HCN1: variants seen among roughly 807,000 people sequenced by gnomAD.
The protein encoded by HCN1 is potassium/sodium hyperpolarization-activated cyclic nucleotide-gated channel 1.
HCN1 carries 13 observed loss-of-function variants against 78.9 expected under a neutral mutation model. That is an observed-to-expected ratio of 0.16 (90% CI 0.11 to 0.26). The LOEUF (loss-of-function observed/expected upper bound fraction) is 0.26, where lower values mean the gene tolerates loss of function less well. HCN1 is among the 10% of genes least tolerant of loss of function. The pLI is 1.00. For missense variants in HCN1, 810 were observed against 1,154.3 expected (o/e 0.70, Z 4.32); for synonymous variants, 552 against 455.5 (o/e 1.21, Z -2.70).
At chr5:45,483,965 C>T (rs1441741948) in intron 2 of HCN1, among the ~76,000 whole-genome samples, 1 of 152,084 alleles carries the variant, frequency 6.6e-6, no homozygotes, top group African/African-American at 2.4e-5. Flanking sequence ...CGATTCTGTT[C>T]TGTTGGTCTA....
chr5:45,481,770 T>C (rs1202640642), intron 2 of HCN1, among the ~76,000 whole-genome samples: 10 of 124,664 alleles, frequency 8.0e-5, no homozygotes, highest in African/African-American at 2.3e-4. Flanking sequence ...TTCTTTTCCA[T>C]GATGCCACTT....
chr5:45,669,499 C>A (rs767030622), intron 1 of HCN1, among the ~76,000 whole-genome samples: 7 of 151,534 alleles, frequency 4.6e-5, no homozygotes, highest in Non-Finnish European at 1.0e-4. Flanking sequence ...GATGCCAGGA[C>A]CAAGGAAACA....
chr5:45,375,338 AATATATATAATATAATATTTTATGATAT>A (rs1747599819), intron 4 of HCN1, among the ~76,000 whole-genome samples: 1 of 123,974 alleles, frequency 8.1e-6, no homozygotes, highest in Non-Finnish European at 1.6e-5. Flanking sequence ...TATGATATAC[AATATATATAATATAATATTTTATGATAT>A]ACAATATATA....
intron 2 of HCN1, among the ~76,000 whole-genome samples, chr5:45,574,066 G>C (rs1743889222): frequency 1.3e-5 from 2 of 152,000 alleles, no homozygotes; most frequent in Admixed American, 1.3e-4. Context: ...GGAAGTATAT[G>C]AATCATAAAA....
intron 2 of HCN1, among the ~76,000 whole-genome samples, chr5:45,484,080 AG>A (rs1741711098): frequency 6.6e-6 from 1 of 152,140 alleles, no homozygotes; most frequent in Non-Finnish European, 1.5e-5. Flanking sequence ...CTTTCTGCTT[AG>A]GGTAGTGAAA....
chr5:45,360,784 A>T (rs972198254), intron 4 of HCN1, among the ~76,000 whole-genome samples: 22 of 152,118 alleles, frequency 1.4e-4, no homozygotes, highest in African/African-American at 5.3e-4. Context: ...AAAAAACTAA[A>T]GGAAAATCAC....
At chr5:45,649,670 T>G (rs1297961754) in intron 1 of HCN1, among the ~76,000 whole-genome samples, 1 of 152,134 alleles carries the variant, frequency 6.6e-6, no homozygotes, top group Admixed American at 6.6e-5. Flanking sequence ...GTTTCTTCCA[T>G]CATTACTGAT....
chr5:45,371,027 A>G (rs577259327), intron 4 of HCN1, among the ~76,000 whole-genome samples: 24 of 152,228 alleles, frequency 1.6e-4, no homozygotes, highest in African/African-American at 5.5e-4. Context: ...AGAAAACATT[A>G]CAGACGTTGG....
chr5:45,369,157 C>T (rs1403823718), intron 4 of HCN1, among the ~76,000 whole-genome samples: 2 of 151,414 alleles, frequency 1.3e-5, no homozygotes, highest in South Asian at 4.2e-4. Context: ...TGCATATATC[C>T]GTAGATATTT....
At chr5:45,491,177 G>T (rs1741877896) in intron 2 of HCN1, among the ~76,000 whole-genome samples, 1 of 152,006 alleles carries the variant, frequency 6.6e-6, no homozygotes, top group Non-Finnish European at 1.5e-5. Context: ...AACATGTATT[G>T]CCCTAGAACT....
chr5:45,307,050 A>G (rs1318118822), intron 5 of HCN1, among the ~76,000 whole-genome samples: 1 of 152,082 alleles, frequency 6.6e-6, no homozygotes. Flanking sequence ...CAGAACAAGA[A>G]CCCCACAGTA....
intron 6 of HCN1, among the ~76,000 whole-genome samples, chr5:45,282,437 C>G (rs1438883112): frequency 6.6e-6 from 1 of 152,116 alleles, no homozygotes; most frequent in Non-Finnish European, 1.5e-5. Context: ...GTCATAAAAA[C>G]AATCATTCTG....
At chr5:45,583,011 G>A (rs57222913) in intron 2 of HCN1, among the ~76,000 whole-genome samples, 91 of 151,604 alleles carry the variant, frequency 6.0e-4, no homozygotes, top group African/African-American at 2.0e-3. Context: ...CTCTGCCAGG[G>A]TTTGGTATCA....
chr5:45,649,814 G>A (rs1745642976), intron 1 of HCN1, among the ~76,000 whole-genome samples: 1 of 151,806 alleles, frequency 6.6e-6, no homozygotes, highest in Admixed American at 6.6e-5. Context: ...ACTTTAATGG[G>A]GGATATTTAA....
intron 6 of HCN1, among the ~76,000 whole-genome samples, chr5:45,290,081 C>T (rs984520283): frequency 1.3e-5 from 2 of 151,862 alleles, no homozygotes; most frequent in Admixed American, 1.3e-4. Flanking sequence ...GTTCTTGTGA[C>T]AGTGAATAAC....
intron 2 of HCN1, among the ~76,000 whole-genome samples, chr5:45,552,148 A>T (rs1743382443): frequency 6.6e-6 from 1 of 151,940 alleles, no homozygotes; most frequent in Non-Finnish European, 1.5e-5. Flanking sequence ...CTAAGGGAAA[A>T]GCTGGTCTAT....
At chr5:45,377,622 T>C (rs1747711291) in intron 4 of HCN1, among the ~76,000 whole-genome samples, 1 of 151,956 alleles carries the variant, frequency 6.6e-6, no homozygotes, top group Non-Finnish European at 1.5e-5. Context: ...AGGCAAGAAA[T>C]GCAAACACTC....
intron 6 of HCN1, among the ~76,000 whole-genome samples, chr5:45,296,389 A>G (rs1219368296): frequency 6.6e-6 from 1 of 151,946 alleles, no homozygotes; most frequent in Non-Finnish European, 1.5e-5. Flanking sequence ...GGACAAGGAA[A>G]AAGTCTCAGA....
intron 5 of HCN1, among the ~76,000 whole-genome samples, chr5:45,349,551 C>T (rs949962568): frequency 1.6e-4 from 25 of 152,054 alleles, no homozygotes; most frequent in African/African-American, 5.3e-4. Flanking sequence ...AATAGAGACA[C>T]AAAAAACCCT....
Sources: allele counts gnomAD v4.1 joint callset (sites outside exome capture counted in the v4.1 genomes callset), GRCh38; gene constraint gnomAD v4.1.1; transcripts MANE v1.5; gene names NCBI Gene and HGNC (gene_info 2026-07-23, HGNC 2026-07-21).